The following MAPK8IP1 variants were observed in gnomAD, a reference collection of about 807,000 sequenced individuals.
MAPK8IP1 encodes C-Jun-amino-terminal kinase-interacting protein 1.
In MAPK8IP1, 17 loss-of-function variants were observed where a neutral mutation model predicts 72.6. The observed-to-expected ratio is 0.23, with a 90% CI of 0.16 to 0.35. The LOEUF is 0.35. Among genes scored for constraint, MAPK8IP1 ranks in the 10% least tolerant of loss-of-function variants. MAPK8IP1 has a pLI of 1.00. For synonymous variants in MAPK8IP1, 401 were observed against 443.4 expected (o/e 0.90, Z 1.20); for missense variants, 789 against 1,009.7 (o/e 0.78, Z 2.96).
At chr11:45,894,139 T>G (rs989738989) in intron 1 of MAPK8IP1, among the ~76,000 whole-genome samples, 2 of 152,194 alleles carry the variant, frequency 1.3e-5, no homozygotes, top group African/African-American at 2.4e-5. Context: ...ATAAGGCACC[T>G]TTATGTCTAA....
At position 45,902,871 on chromosome 11, in the gene MAPK8IP1, C is replaced by G. The variant is rs1252561364; in HGVS notation, c.1104C>G (p.Ser368Arg). 6.3e-7 allele frequency: 1 copy of G among 1,595,994 alleles called. No homozygotes were observed. Among genetic ancestry groups the G allele is most frequent in the African/African-American group, 1.3e-5 (1 of 74,592 alleles). ...EPPPPPRASL[S>R]SDTSALSYDS... The stretch of plus-strand genomic sequence containing the variant: ...CGCCACCTCCACGGGCCTCTCTGAG[C>G]TCGGACACCAGCGCCCTGTCCTATG... The change falls in exon 5 of 12, where the codon AGC (serine) becomes AGG (arginine). Residue 368 changes from serine (S) to arginine (R), a missense_variant. Transcript: ENST00000241014. This position sits in a 1 kb window ranked among gnomAD's most constrained non-coding sequence, Gnocchi z 9.3.
At chr11:45,897,086 C>T in intron 1 of MAPK8IP1, 1 of 878,716 alleles carries the variant, frequency 1.1e-6, no homozygotes, top group Non-Finnish European at 1.8e-6. Context: ...AAGCCACCAT[C>T]TCTCCTGGGT....
chr11:45,898,978 G>T (rs1350852320), intron 2 of MAPK8IP1, among the ~76,000 whole-genome samples: 1 of 152,236 alleles, frequency 6.6e-6, no homozygotes, highest in Admixed American at 6.5e-5. Context: ...AAGAGGGCGG[G>T]TAGCCAGATA....
rs1301965458 is a variant in MAPK8IP1, at chr11:45,898,210, A to G, written c.207+20A>G. 2 of 1,570,622 alleles carry G rather than the reference A, an allele frequency of 1.3e-6. No homozygotes were observed. Among genetic ancestry groups the G allele is most frequent in the Non-Finnish European group, 1.8e-6 (2 of 1,142,086 alleles). On this transcript the variant is annotated intron_variant, in intron 2 of 11. Transcript: ENST00000241014. ...TTACGGGTAAGGGCAAGCTCCCAGG[A>G]GCTCCTGAGTGGGGTGGCAGGAAGG...
At chr11:45,898,688 C>T (rs1241827590) in intron 2 of MAPK8IP1, among the ~76,000 whole-genome samples, 1 of 152,200 alleles carries the variant, frequency 6.6e-6, no homozygotes, top group Non-Finnish European at 1.5e-5. Context: ...CACGCGGCCT[C>T]CCAGACCCTC....
At chr11:45,890,079 G>A (rs1369057695) in intron 1 of MAPK8IP1, among the ~76,000 whole-genome samples, 1 of 152,204 alleles carries the variant, frequency 6.6e-6, no homozygotes, top group African/African-American at 2.4e-5. Flanking sequence ...AGGCCTGGTG[G>A]ACGCATAAAA....
Position 45,898,146 on chromosome 11 carries a change from G to T in MAPK8IP1, c.163G>T (p.Glu55Ter). ...EDEDLSEITD[E>*]CGISLQCKDT... ...TGAAGACCTCTCGGAGATCACTGAT[G>T]AGTGTGGCATCAGCTTACAGTGCAA... is the stretch of plus-strand genomic sequence containing the variant. The change falls in exon 2 of 12, where the codon GAG becomes TAG. Residue 55 changes from glutamate to a stop codon, truncating the protein, a stop_gained. Transcript: ENST00000241014. LOFTEE classifies it high-confidence loss of function. 1 of 1,613,802 alleles carries T rather than the reference G, an allele frequency of 6.2e-7. No homozygotes were observed. The highest frequency in any genetic ancestry group is 1.1e-5 in the South Asian group (1 of 91,046).
chr11:45,905,148 C>T lies in MAPK8IP1; in HGVS notation c.1965-3C>T, dbSNP rs2086695651. On this transcript the variant is annotated splice_polypyrimidine_tract_variant and splice_region_variant and intron_variant, in intron 10 of 11. Transcript: ENST00000241014. ...CCCAGCACAGACAGACCTGTCCCTG[C>T]AGGTACTTTGGGTTCATCACCAAGC... 1 of 1,613,674 alleles carries T rather than the reference C, an allele frequency of 6.2e-7. No individual in the cohort carries two copies. Among genetic ancestry groups the T allele is most frequent in the Non-Finnish European group, 8.5e-7 (1 of 1,179,880 alleles).
At position 45,903,951 on chromosome 11, in the gene MAPK8IP1, T is replaced by C. The variant is rs778912726; in HGVS notation, c.1494-38T>C. 1.2e-6 allele frequency: 2 copies of C among 1,608,222 alleles called. No individual in the cohort carries two copies. The highest frequency in any genetic ancestry group is 1.1e-5 in the South Asian group (1 of 90,910). On this transcript the variant is annotated intron_variant, in intron 6 of 11. Coordinates refer to ENST00000241014, the MANE Select transcript of MAPK8IP1 (RefSeq NM_005456.4). This position sits in a 1 kb window ranked among gnomAD's most constrained non-coding sequence, Gnocchi z 6.4. Reference sequence around the variant, plus strand: ...CAGAGTAGGCCTGGCTGGACAGGCCTTGGTGCCGAATTTCTCACCTGTCCT... The same window carrying C: ...CAGAGTAGGCCTGGCTGGACAGGCCCTGGTGCCGAATTTCTCACCTGTCCT...
intron 1 of MAPK8IP1, among the ~76,000 whole-genome samples, chr11:45,895,318 GAC>G (rs1434612787): frequency 1.3e-5 from 2 of 152,106 alleles, no homozygotes; most frequent in Non-Finnish European, 2.9e-5. Flanking sequence ...TGTGTGAGGA[GAC>G]ACAGATGTGT....
At chr11:45,896,482 G>A in intron 1 of MAPK8IP1, 1 of 1,002,180 alleles carries the variant, frequency 1.0e-6, no homozygotes. Context: ...TACAAGCCTG[G>A]GCCAGGGAGG....
At chr11:45,886,098 G>C (rs1188590451) in intron 1 of MAPK8IP1, among the ~76,000 whole-genome samples, 177 bp downstream of exon 1, 1 of 152,208 alleles carries the variant, frequency 6.6e-6, no homozygotes, top group African/African-American at 2.4e-5. Flanking sequence ...CTCAAGTCCG[G>C]ACTGGTAGCC....
chr11:45,893,904 G>A (rs997277742), intron 1 of MAPK8IP1, among the ~76,000 whole-genome samples: 2 of 151,600 alleles, frequency 1.3e-5, no homozygotes, highest in Admixed American at 6.6e-5. Context: ...GGACCCCCCA[G>A]GGTTTTAGCT....
chr11:45,905,104 G>A (rs1310169404), intron 10 of MAPK8IP1, 47 bp from the exon 11 acceptor site: 7 of 1,611,654 alleles, frequency 4.3e-6, no homozygotes, highest in Non-Finnish European at 5.9e-6. Flanking sequence ...AGGTGGGTGG[G>A]TGTGGGCCGA....
chr11:45,902,038 G>A lies in MAPK8IP1; in HGVS notation c.581G>A (p.Arg194Gln), dbSNP rs748728854. ...KKHSWQDRVS[R>Q]SSSPLKTGEQ... ...CACAGTTGGCAGGATCGGGTGTCTC[G>A]ATCATCCTCACCCCTGAAGACAGGT... The change falls in exon 4 of 12, where the codon CGA (arginine) becomes CAA (glutamine). Residue 194 changes from arginine (R) to glutamine (Q), a missense_variant. Physicochemically the swap from Arg to Gln is conservative, Grantham distance 43. This residue lies in a region of MAPK8IP1 where 112 missense variants were observed against 192.8 expected (regional missense o/e 0.58). Coordinates refer to ENST00000241014, the MANE Select transcript of MAPK8IP1 (RefSeq NM_005456.4). The surrounding 1 kb of genome is among the most constrained non-coding windows in gnomAD (Gnocchi z 9.3). The A allele has an allele frequency of 2.9e-5, 47 of 1,613,992 alleles. No individual in the cohort carries two copies. The highest frequency in any genetic ancestry group is 8.3e-5 in the Admixed American group (5 of 60,004).
intron 1 of MAPK8IP1, among the ~76,000 whole-genome samples, chr11:45,894,768 T>A (rs539982212): frequency 1.1e-4 from 17 of 152,266 alleles, no homozygotes; most frequent in South Asian, 8.3e-4. Context: ...GAAGGGGTCT[T>A]GATCACCTGC....
Position 45,903,215 on chromosome 11 carries a change from G to A in MAPK8IP1, c.1417+31G>A, listed in dbSNP as rs779892799. 2.5e-6 allele frequency: 4 copies of A among 1,594,094 alleles called. No individual in the cohort carries two copies. The African/African-American group carries it at 4.0e-5, about 16-fold the overall frequency. ...TCAGCAAGGGGAAGCAGTGGGGTGG[G>A]GGGGTCCCTAGCGGGGGCAGAGCCA... On this transcript the variant is annotated intron_variant, in intron 5 of 11. Transcript: ENST00000241014. The surrounding 1 kb of genome is among the most constrained non-coding windows in gnomAD (Gnocchi z 6.4).
rs1065284 is a variant in MAPK8IP1, at chr11:45,906,311, G to C, written c.*590G>C. 2.4e-6 allele frequency: 1 copy of C among 411,080 alleles called. No homozygotes were observed. The highest frequency in any genetic ancestry group is 2.0e-5 in the African/African-American group (1 of 49,278). The allele number at this position is 411,080 out of a possible 1,614,324, so 25.5% of individuals were successfully genotyped here. On this transcript the variant is annotated 3_prime_UTR_variant, in exon 12 of 12. Transcript: ENST00000241014. ...CTGCCACTGACCTCACCGGCATGCT[G>C]GCCTGTGGCAGGCCTAGGACCTCAG...
chr11:45,890,341 A>G (rs1435927822), intron 1 of MAPK8IP1, among the ~76,000 whole-genome samples: 1 of 152,234 alleles, frequency 6.6e-6, no homozygotes, highest in African/African-American at 2.4e-5. Context: ...TGGAAGAAAA[A>G]TTATCTTGGG....
Sources: allele counts gnomAD v4.1 joint callset (sites outside exome capture counted in the v4.1 genomes callset), GRCh38; gene constraint gnomAD v4.1.1; regional missense constraint gnomAD v4.1.1; non-coding constraint Gnocchi (gnomAD v3.1); transcripts MANE v1.5; gene names NCBI Gene and HGNC (gene_info 2026-07-23, HGNC 2026-07-21).